The following NLRP8 variants were observed in gnomAD, a reference collection of about 807,000 sequenced individuals.
NLRP8 encodes the protein NLR family pyrin domain containing 8, also known as NACHT, LRR and PYD domains-containing protein 8.
A neutral mutation model predicts 88.7 loss-of-function variants in NLRP8; 86 were observed. The observed-to-expected ratio is 0.97, with a 90% CI of 0.81 to 1.16. NLRP8 has a LOEUF of 1.16. Among genes scored for constraint, NLRP8 ranks in the 50% most tolerant of loss-of-function variants. The probability of loss-of-function intolerance (pLI) is 0.00; values close to 1 mark genes in which losing one functional copy is unlikely to be tolerated. For missense variants in NLRP8, 1,342 were observed against 1,286.5 expected, an observed-to-expected ratio of 1.04 and a Z score of -0.66; for synonymous variants, 504 against 494.6, an observed-to-expected ratio of 1.02 and a Z score of -0.25.
intron 1 of NLRP8, 36 bp downstream of exon 1, chr19:55,948,305 C>G (rs995547656): frequency 1.3e-6 from 2 of 1,574,814 alleles, no homozygotes; most frequent in Non-Finnish European, 1.7e-6. Flanking sequence ...TGGGGGTGGG[C>G]TTGGCTGCTG....
At chr19:55,956,583 A>G (rs1353307881) in intron 3 of NLRP8, among the ~76,000 whole-genome samples, 1 of 151,988 alleles carries the variant, frequency 6.6e-6, no homozygotes, top group African/African-American at 2.4e-5. Context: ...CTACGGTGAT[A>G]CATGTTTGTT....
chr19:55,970,717 CTGTGGT>C, intron 6 of NLRP8, 21 bp downstream of exon 6: 1 of 1,613,098 alleles, frequency 6.2e-7, no homozygotes, highest in African/African-American at 1.3e-5. Context: ...TTTCTAGTGG[CTGTGGT>C]TGTGGTTGTG....
intron 5 of NLRP8, among the ~76,000 whole-genome samples, chr19:55,969,431 C>A (rs1979979839): frequency 6.6e-6 from 1 of 152,210 alleles, no homozygotes; most frequent in South Asian, 2.1e-4. Flanking sequence ...CAAAAGACAT[C>A]ATTTCATTCT....
chr19:55,965,101 C>T (rs957321135), intron 4 of NLRP8, among the ~76,000 whole-genome samples: 3 of 151,992 alleles, frequency 2.0e-5, no homozygotes, highest in African/African-American at 7.3e-5. Context: ...GCCTGGACAA[C>T]ATAGTGAGAC....
chr19:55,988,004 A>G lies in NLRP8; in HGVS notation c.*91A>G. On this transcript the variant is annotated 3_prime_UTR_variant, in exon 10 of 10. Transcript: ENST00000291971. The stretch of plus-strand genomic sequence containing the variant: ...AGGCGTTATCATCCTGTATGCATTA[A>G]CGTACTTTCCCCTGAAACAGAGCAA... 1 of 968,122 alleles carries G rather than the reference A, an allele frequency of 1.0e-6. No individual in the cohort carries two copies. Among genetic ancestry groups the G allele is most frequent in the Non-Finnish European group, 1.6e-6 (1 of 610,372 alleles). The allele number at this position is 968,122 out of a possible 1,614,324, so 60.0% of individuals were successfully genotyped here.
chr19:55,973,641 C>T lies in NLRP8; in HGVS notation c.2535-11C>T. The T allele has an allele frequency of 6.3e-7, 1 of 1,587,884 alleles. No homozygotes were observed. Among genetic ancestry groups the T allele is most frequent in the Non-Finnish European group, 8.6e-7 (1 of 1,162,598 alleles). ...TCTCCATTCAGTCATCTGTGTGCTT[C>T]TCTCCCATAGGATAGAGAACTGCAA... On this transcript the variant is annotated splice_polypyrimidine_tract_variant and intron_variant, in intron 6 of 9. Coordinates refer to ENST00000291971, the MANE Select transcript of NLRP8 (RefSeq NM_176811.2).
At chr19:55,956,576 C>T (rs575091311) in intron 3 of NLRP8, among the ~76,000 whole-genome samples, 7 of 152,062 alleles carry the variant, frequency 4.6e-5, no homozygotes, top group East Asian at 1.9e-4. Flanking sequence ...CATATATCTA[C>T]GGTGATACAT....
intron 7 of NLRP8, 44 bp downstream of exon 7, chr19:55,973,866 A>G (rs1001141626): frequency 1.9e-6 from 3 of 1,561,492 alleles, no homozygotes; most frequent in Middle Eastern, 1.9e-4. Context: ...CTGGAGCAGA[A>G]CAGGGTGATG....
chr19:55,977,648 A>T (rs1980408751), intron 8 of NLRP8, among the ~76,000 whole-genome samples: 1 of 150,716 alleles, frequency 6.6e-6, no homozygotes, highest in Non-Finnish European at 1.5e-5. Context: ...ATATAAAAGC[A>T]TTCGTTCTGT....
At chr19:55,962,383 A>T in intron 4 of NLRP8, 146 bp downstream of exon 4, 1 of 842,544 alleles carries the variant, frequency 1.2e-6, no homozygotes, top group Non-Finnish European at 1.8e-6. Flanking sequence ...GGAATGAGTC[A>T]TGGGGTGCGT....
At chr19:55,987,051 C>T (rs534777518) in intron 9 of NLRP8, among the ~76,000 whole-genome samples, 1 of 152,346 alleles carries the variant, frequency 6.6e-6, no homozygotes, top group South Asian at 2.1e-4. Context: ...AGTCTCTCGT[C>T]CTTTTCAGAC....
chr19:55,975,487 C>A (rs1403552883), intron 7 of NLRP8, among the ~76,000 whole-genome samples: 1 of 152,198 alleles, frequency 6.6e-6, no homozygotes, highest in Non-Finnish European at 1.5e-5. Context: ...CAGTTCACAG[C>A]AGCATTATTC....
At chr19:55,967,237 A>T (rs1039224918) in intron 5 of NLRP8, among the ~76,000 whole-genome samples, 5 of 152,184 alleles carry the variant, frequency 3.3e-5, no homozygotes, top group African/African-American at 1.2e-4. Context: ...TTTGGTGATG[A>T]CCTTGAGCAG....
intron 3 of NLRP8, among the ~76,000 whole-genome samples, chr19:55,957,369 A>G (rs1217224422): frequency 6.6e-6 from 1 of 152,152 alleles, no homozygotes; most frequent in Non-Finnish European, 1.5e-5. Context: ...CTTTCCGTGT[A>G]AAAATATCTT....
intron 4 of NLRP8, among the ~76,000 whole-genome samples, chr19:55,965,398 C>G (rs1979790390): frequency 6.6e-6 from 1 of 151,784 alleles, no homozygotes; most frequent in African/African-American, 2.4e-5. Context: ...TTACAGTAAG[C>G]TGAGATCGCA....
Position 55,962,059 on chromosome 19 carries a change from C to G in NLRP8, c.2043-8C>G, listed in dbSNP as rs368789032. The stretch of plus-strand genomic sequence containing the variant: ...AGAGGTGTTTTCTCTCTTCTCCCTT[C>G]CATGTAGAGCGCCAGAGAGCAATGG... On this transcript the variant is annotated splice_polypyrimidine_tract_variant and splice_region_variant and intron_variant, in intron 3 of 9. Coordinates refer to ENST00000291971, the MANE Select transcript of NLRP8 (RefSeq NM_176811.2). 1.2e-6 allele frequency: 2 copies of G among 1,612,448 alleles called. No homozygotes were observed. Among genetic ancestry groups the G allele is most frequent in the African/African-American group, 2.7e-5 (2 of 74,802 alleles).
At chr19:55,969,297 C>T (rs969566413) in intron 5 of NLRP8, among the ~76,000 whole-genome samples, 7 of 152,332 alleles carry the variant, frequency 4.6e-5, no homozygotes, top group Non-Finnish European at 7.3e-5. Flanking sequence ...GAGTCTATTA[C>T]ATCATTCTTA....
chr19:55,985,843 C>G (rs1980783019), intron 9 of NLRP8, among the ~76,000 whole-genome samples: 2 of 152,008 alleles, frequency 1.3e-5, no homozygotes, highest in African/African-American at 4.8e-5. Context: ...TAGTGAAACC[C>G]CATCTCTATT....
chr19:55,981,601 G>A (rs1980575259), intron 9 of NLRP8, among the ~76,000 whole-genome samples: 1 of 152,174 alleles, frequency 6.6e-6, no homozygotes, highest in South Asian at 2.1e-4. Flanking sequence ...TCCATCAACT[G>A]TTAAGGAAGA....
Sources: gnomAD v4.1 joint callset for allele counts (sites outside exome capture counted in the v4.1 genomes callset) on GRCh38, gnomAD v4.1.1 for gene constraint, MANE v1.5 for transcripts, NCBI Gene and HGNC (gene_info 2026-07-23, HGNC 2026-07-21) for gene names.